ZNF695: variants seen among roughly 807,000 people sequenced by gnomAD.
ZNF695 encodes zinc finger protein 695, also known as zinc finger protein SBZF3.
ZNF695 carries 11 observed loss-of-function variants against 11.2 expected under a neutral mutation model. The observed-to-expected ratio is 0.98, with a 90% CI of 0.62 to 1.62. The LOEUF (loss-of-function observed/expected upper bound fraction) is 1.62, where lower values mean the gene tolerates loss of function less well. Among genes scored for constraint, ZNF695 ranks in the 40% most tolerant of loss-of-function variants. The pLI is 0.00. For synonymous variants in ZNF695, 190 were observed against 201.4 expected (o/e 0.94, Z 0.48); for missense variants, 559 against 590.5 (o/e 0.95, Z 0.55).
At chr1:246,946,833 G>A (rs1470885814) in intron 5 of ZNF695, among the ~76,000 whole-genome samples, 1 of 152,156 alleles carries the variant, frequency 6.6e-6, no homozygotes, top group Non-Finnish European at 1.5e-5. Flanking sequence ...TCAAAATATG[G>A]CTTGGTGAAC....
At chr1:246,972,019 C>A (rs1668441146) in intron 4 of ZNF695, among the ~76,000 whole-genome samples, 1 of 152,152 alleles carries the variant, frequency 6.6e-6, no homozygotes, top group South Asian at 2.1e-4. Context: ...TGCCTCAGCT[C>A]CTTCCCTCCC....
intron 5 of ZNF695, among the ~76,000 whole-genome samples, chr1:246,947,678 T>A (rs1418303814): frequency 6.6e-6 from 1 of 152,190 alleles, no homozygotes; most frequent in African/African-American, 2.4e-5. Flanking sequence ...TCACAGTCTC[T>A]TGATTTAATC....
intron 1 of ZNF695, among the ~76,000 whole-genome samples, chr1:247,002,874 G>A (rs112254744): frequency 6.6e-6 from 1 of 152,022 alleles, no homozygotes; most frequent in Non-Finnish European, 1.5e-5. Context: ...AAAAAAGTTC[G>A]ACATCACTAA....
intron 1 of ZNF695, among the ~76,000 whole-genome samples, chr1:247,003,126 G>T (rs551374816): frequency 6.6e-6 from 1 of 152,228 alleles, no homozygotes; most frequent in South Asian, 2.1e-4. Flanking sequence ...ATACCCAAAG[G>T]AGTATATATC....
chr1:246,958,145 G>T (rs1273731969), intron 5 of ZNF695, among the ~76,000 whole-genome samples: 2 of 151,024 alleles, frequency 1.3e-5, no homozygotes, highest in Non-Finnish European at 2.9e-5. Context: ...TGCAAGCTCC[G>T]CCTCCCGGGT....
In ZNF695 at chr1:246,985,600, A is replaced by G; in HGVS notation, c.*1367T>C. ...ACTTAATGTACAACGGTCCAAAGAC[A>G]TTAAAACAATGTCTTATTAAAACAA... On this transcript the variant is annotated 3_prime_UTR_variant, in exon 4 of 4. Coordinates refer to ENST00000339986, the MANE Select transcript of ZNF695 (RefSeq NM_020394.5). The G allele has an allele frequency of 1.1e-6, 1 of 932,342 alleles. No homozygotes were observed. The highest frequency in any genetic ancestry group is 1.2e-6 in the Non-Finnish European group (1 of 802,296). The allele number at this position is 932,342 out of a possible 1,614,324, so 57.8% of individuals were successfully genotyped here. A position where few individuals can be genotyped will look rare whatever the true frequency, so the allele number is the denominator to read the frequency against.
chr1:246,998,636 T>C (rs1669273502), intron 3 of ZNF695, among the ~76,000 whole-genome samples: 1 of 152,240 alleles, frequency 6.6e-6, no homozygotes, highest in South Asian at 2.1e-4. Flanking sequence ...TCACCACTAC[T>C]CTCACATGTT....
chr1:246,984,868 A>G (rs1668807138), downstream of ZNF695, among the ~76,000 whole-genome samples: 1 of 152,252 alleles, frequency 6.6e-6, no homozygotes, highest in African/African-American at 2.4e-5. Flanking sequence ...AAGATCACAT[A>G]AGAAATTCTT....
chr1:246,976,567 G>GCT (rs1668564939), intron 4 of ZNF695, among the ~76,000 whole-genome samples: 1 of 151,724 alleles, frequency 6.6e-6, no homozygotes, highest in African/African-American at 2.4e-5. Flanking sequence ...GGCCAAGGCG[G>GCT]GCAGATCACG....
chr1:246,994,658 A>AAGTC (rs1331130873), intron 3 of ZNF695, among the ~76,000 whole-genome samples: 1 of 151,958 alleles, frequency 6.6e-6, no homozygotes, highest in Non-Finnish European at 1.5e-5. Context: ...TAACATGGTG[A>AAGTC]AACCCCATCT....
chr1:246,990,916 A>G (rs1191391653), intron 3 of ZNF695, among the ~76,000 whole-genome samples: 1 of 152,204 alleles, frequency 6.6e-6, no homozygotes, highest in African/African-American at 2.4e-5. Context: ...AAATGATAAC[A>G]GAAACAAAAT....
Position 246,986,580 on chromosome 1 carries a change from A to G in ZNF695, c.*387T>C. 4.0e-6 allele frequency: 4 copies of G among 1,001,086 alleles called. No individual in the cohort carries two copies. The highest frequency in any genetic ancestry group is 3.6e-6 in the Non-Finnish European group (3 of 840,602). 62.0% of individuals were successfully genotyped at this position (1,001,086 alleles called of 1,614,324 possible). On this transcript the variant is annotated 3_prime_UTR_variant, in exon 4 of 4. Coordinates refer to ENST00000339986, the MANE Select transcript of ZNF695 (RefSeq NM_020394.5). Reference sequence around the variant, plus strand: ...ATTTTTTCACATTTACTGCATCTGTAAAACAGTTTTTAGTGTGAACACTCT... The same window carrying G: ...ATTTTTTCACATTTACTGCATCTGTGAAACAGTTTTTAGTGTGAACACTCT...
chr1:246,996,119 G>T, intron 3 of ZNF695: 1 of 435,682 alleles, frequency 2.3e-6, no homozygotes, highest in South Asian at 1.6e-5. Context: ...GCCAAGGCAG[G>T]TGGATCACCT....
intron 5 of ZNF695, among the ~76,000 whole-genome samples, chr1:246,953,924 AAAAC>A (rs1208987042): frequency 6.6e-5 from 10 of 151,424 alleles, no homozygotes; most frequent in African/African-American, 1.5e-4. Context: ...AGACTGTCTC[AAAAC>A]AAACAAACAA....
intron 1 of ZNF695, among the ~76,000 whole-genome samples, chr1:247,001,122 C>A (rs1669366529): frequency 6.6e-6 from 1 of 152,160 alleles, no homozygotes; most frequent in Non-Finnish European, 1.5e-5. Context: ...AGAAAGAAGA[C>A]CCAACTCTAT....
intron 5 of ZNF695, among the ~76,000 whole-genome samples, chr1:246,956,530 C>T (rs1008883048): frequency 2.0e-5 from 3 of 151,790 alleles, no homozygotes; most frequent in African/African-American, 7.3e-5. Flanking sequence ...GTAGGAGAAT[C>T]ACTTGAACCC....
chr1:247,006,936 T>C (rs982324446), intron 1 of ZNF695, among the ~76,000 whole-genome samples: 4 of 152,168 alleles, frequency 2.6e-5, no homozygotes, highest in African/African-American at 7.2e-5. Flanking sequence ...AATTGCAAAC[T>C]TGGAGAAAAA....
intron 3 of ZNF695, among the ~76,000 whole-genome samples, chr1:246,992,858 C>T (rs565226443): frequency 6.6e-6 from 1 of 152,182 alleles, no homozygotes; most frequent in East Asian, 1.9e-4. Context: ...AGTAAACTTC[C>T]GACTTCTCCC....
chr1:246,998,193 A>G (rs2103030325), intron 3 of ZNF695, among the ~76,000 whole-genome samples: 1 of 152,326 alleles, frequency 6.6e-6, no homozygotes, highest in South Asian at 2.1e-4. Context: ...ACATACATAT[A>G]TACACACACA....
Sources: allele counts gnomAD v4.1 joint callset (sites outside exome capture counted in the v4.1 genomes callset), GRCh38; gene constraint gnomAD v4.1.1; transcripts MANE v1.5; gene names NCBI Gene and HGNC (gene_info 2026-07-23, HGNC 2026-07-21).